Variants in MRAS observed in about 807,000 individuals in gnomAD.
MRAS encodes ras-related protein M-Ras.
Under a neutral mutation model 20.9 loss-of-function variants are expected in MRAS, and 4 were observed. That is an observed-to-expected ratio of 0.19 (90% CI 0.09 to 0.44). The LOEUF (loss-of-function observed/expected upper bound fraction) is 0.44. Ranked by LOEUF, MRAS falls within the 20% of genes least tolerant of loss-of-function variation. The probability of loss-of-function intolerance (pLI) is 0.99; values close to 1 mark genes in which losing one functional copy is unlikely to be tolerated. For synonymous variants in MRAS, 98 were observed against 102.9 expected (o/e 0.95, Z 0.29); for missense variants, 154 against 277.5 (o/e 0.56, Z 3.16).
intron 1 of MRAS, among the ~76,000 whole-genome samples, chr3:138,361,685 G>T (rs747910338): frequency 4.6e-5 from 7 of 152,166 alleles, no homozygotes; most frequent in Non-Finnish European, 7.3e-5. Context: ...AGCAGGGCTG[G>T]GAGGACAGCA....
rs372464791 is a variant in MRAS, at chr3:138,361,039, C to T, written c.-18-11827C>T. Among the ~76,000 whole-genome samples the T allele has an allele frequency of 4.2e-3, 638 of 152,324 alleles. 5 individuals are homozygous for T. Among genetic ancestry groups the T allele is most frequent in the Middle Eastern group, 0.014 (4 of 294 alleles). ...TGCCTCTTGGTGAAGCGTCTTGAGT[C>T]ATCACATGGAATAATGGCTGCGGAG... On this transcript the variant is annotated intron_variant, in intron 1 of 5. Transcript: ENST00000423968.
intron 2 of MRAS, among the ~76,000 whole-genome samples, chr3:138,384,686 T>C (rs2054974007): frequency 6.6e-6 from 1 of 152,012 alleles, no homozygotes; most frequent in African/African-American, 2.4e-5. Flanking sequence ...GAAATCTGGG[T>C]GGTGACCTGT....
Position 138,402,495 on chromosome 3 carries a change from C to T in MRAS, c.*226C>T. 2.1e-6 allele frequency: 1 copy of T among 487,288 alleles called. No individual in the cohort carries two copies. The highest frequency in any genetic ancestry group is 3.6e-6 in the Non-Finnish European group (1 of 275,752). The allele number at this position is 487,288 out of a possible 1,614,324, so 30.2% of individuals were successfully genotyped here. On this transcript the variant is annotated 3_prime_UTR_variant, in exon 6 of 6. Coordinates refer to ENST00000423968, the MANE Select transcript of MRAS (RefSeq NM_001085049.3). ...CAAGGAAGCCACCTGTAAGCAGAAG[C>T]AGCATCCAAGTGCCCCTGGCCCCCC...
In MRAS at chr3:138,402,521, C is replaced by G. The variant is rs950346078; in HGVS notation, c.*252C>G. On this transcript the variant is annotated 3_prime_UTR_variant, in exon 6 of 6. Coordinates refer to ENST00000423968, the MANE Select transcript of MRAS (RefSeq NM_001085049.3). ...AGCATCCAAGTGCCCCTGGCCCCCC[C>G]ATGTGTTGATTCAACCCGGTTCCTC... 2.1e-5 allele frequency: 9 copies of G among 431,364 alleles called. No homozygotes were observed. Among genetic ancestry groups the G allele is most frequent in the African/African-American group, 8.0e-5 (4 of 49,940 alleles). The allele number at this position is 431,364 out of a possible 1,614,324, so 26.7% of individuals were successfully genotyped here. A position where few individuals can be genotyped will look rare whatever the true frequency, so the allele number is the denominator to read the frequency against.
chr3:138,363,770 C>T (rs9755326), intron 1 of MRAS, among the ~76,000 whole-genome samples: 7,654 of 141,638 alleles, frequency 0.054, 665 homozygotes, highest in African/African-American at 0.19. Flanking sequence ...TCTCTGGGCT[C>T]AGGTAAAACA....
chr3:138,372,887 G>A lies in MRAS; in HGVS notation c.4G>A (p.Ala2Thr). Residue 2 changes from alanine (A) to threonine (T), a missense_variant, in exon 2 of 6, where the codon GCA (alanine) becomes ACA (threonine). By Grantham distance (58) the Ala-to-Thr change is moderately conservative. Coordinates refer to ENST00000423968, the MANE Select transcript of MRAS (RefSeq NM_001085049.3). M[A>T]TSAVPSDNLP... Reference sequence around the variant, plus strand: ...GCAGGTCTGACCTACGAGAAACATGGCAACCAGCGCCGTCCCCAGTGACAA... The same window carrying A: ...GCAGGTCTGACCTACGAGAAACATGACAACCAGCGCCGTCCCCAGTGACAA... The A allele has an allele frequency of 6.5e-7, 1 of 1,531,972 alleles. No individual in the cohort carries two copies. Among genetic ancestry groups the A allele is most frequent in the South Asian group, 1.3e-5 (1 of 78,042 alleles). 94.9% of individuals were successfully genotyped at this position (1,531,972 alleles called of 1,614,324 possible).
At chr3:138,359,286 C>T (rs928924515) in intron 1 of MRAS, among the ~76,000 whole-genome samples, 1 of 152,176 alleles carries the variant, frequency 6.6e-6, no homozygotes, top group Non-Finnish European at 1.5e-5. Context: ...GCCTGGTTCA[C>T]CACTCCAAAG....
intron 1 of MRAS, among the ~76,000 whole-genome samples, chr3:138,358,710 C>G (rs1256708363): frequency 6.6e-6 from 1 of 152,222 alleles, no homozygotes; most frequent in African/African-American, 2.4e-5. Flanking sequence ...TACATGTTTA[C>G]GTCTTGTAAA....
chr3:138,386,472 G>A (rs773899889), intron 2 of MRAS, among the ~76,000 whole-genome samples: 1 of 152,190 alleles, frequency 6.6e-6, no homozygotes, highest in Non-Finnish European at 1.5e-5. Context: ...TCTAGTGTAC[G>A]GATATACTAC....
intron 2 of MRAS, among the ~76,000 whole-genome samples, chr3:138,389,621 G>C (rs982814832): frequency 6.6e-6 from 1 of 151,212 alleles, no homozygotes; most frequent in Non-Finnish European, 1.5e-5. Context: ...GAAGAAAAAT[G>C]ACTGGACAGG....
At chr3:138,395,719 T>A (rs2055222504) in intron 2 of MRAS, among the ~76,000 whole-genome samples, 1 of 152,180 alleles carries the variant, frequency 6.6e-6, no homozygotes, top group Admixed American at 6.5e-5. Flanking sequence ...AGCCATTCAT[T>A]TGTTGATCTG....
intron 1 of MRAS, among the ~76,000 whole-genome samples, chr3:138,364,082 G>C (rs748808640): frequency 4.6e-5 from 7 of 152,140 alleles, no homozygotes; most frequent in African/African-American, 1.7e-4. Context: ...TTGCTTTCCT[G>C]GGACATTGCT....
chr3:138,386,554 G>A (rs1239774658), intron 2 of MRAS, among the ~76,000 whole-genome samples: 1 of 152,132 alleles, frequency 6.6e-6, no homozygotes, highest in Non-Finnish European at 1.5e-5. Flanking sequence ...CGTGACCTTG[G>A]CTCACTGCAA....
At position 138,353,990 on chromosome 3, in the gene MRAS, TTC is replaced by T. The variant is rs201213856; in HGVS notation, c.-19+5228_-19+5229del. Among the ~76,000 whole-genome samples, 1,054 of 152,292 alleles carry T rather than the reference TTC, an allele frequency of 6.9e-3. 8 individuals carry two copies. Among genetic ancestry groups the T allele is most frequent in the African/African-American group, 0.024 (1,009 of 41,556 alleles). On this transcript the variant is annotated intron_variant, in intron 1 of 5. Coordinates refer to ENST00000423968, the MANE Select transcript of MRAS (RefSeq NM_001085049.3). ...GGGTGACCAAAAATGTCATGATCCC[TTC>T]TCTCCTGGTGCTTAGGGGACCTATC...
chr3:138,395,388 G>A (rs751931323), intron 2 of MRAS, among the ~76,000 whole-genome samples: 22 of 152,060 alleles, frequency 1.4e-4, no homozygotes, highest in Non-Finnish European at 2.6e-4. Context: ...GTCTTGCTTA[G>A]AACCAAGTGA....
At chr3:138,355,853 C>T (rs903342568) in intron 1 of MRAS, among the ~76,000 whole-genome samples, 3 of 152,206 alleles carry the variant, frequency 2.0e-5, no homozygotes, top group African/African-American at 7.2e-5. Flanking sequence ...ATTGCTTGAA[C>T]CCGGGAGGCA....
At chr3:138,362,338 C>T (rs979961661) in intron 1 of MRAS, among the ~76,000 whole-genome samples, 6 of 152,104 alleles carry the variant, frequency 3.9e-5, no homozygotes, top group African/African-American at 1.4e-4. Context: ...TAGCCTGTGC[C>T]CTTGGTAGAA....
chr3:138,400,474 G>T (rs566299958), intron 4 of MRAS, 60 bp from the exon 5 acceptor site: 498 of 1,489,130 alleles, frequency 3.3e-4, no homozygotes, highest in Non-Finnish European at 4.5e-4. Context: ...ATTTTTAAGG[G>T]TGTAACAGGG....
In MRAS at chr3:138,363,825, C is replaced by A. The variant is rs867944731; in HGVS notation, c.-18-9041C>A. ...GTGACCTGTTAGAGGATTTACCCCC[C>A]CCCCCCCCCAAACCACAGGGTACCC... On this transcript the variant is annotated intron_variant, in intron 1 of 5. Coordinates refer to ENST00000423968, the MANE Select transcript of MRAS (RefSeq NM_001085049.3). Among the ~76,000 whole-genome samples the A allele has an allele frequency of 2.9e-5, 3 of 102,778 alleles. 1 individual carries two copies. The highest frequency in any genetic ancestry group is 2.2e-5 in the Non-Finnish European group (1 of 45,044). 67.4% of individuals were successfully genotyped at this position (102,778 alleles called of 152,430 possible). A position where few individuals can be genotyped will look rare whatever the true frequency, so the allele number is the denominator to read the frequency against.
Sources: allele counts gnomAD v4.1 joint callset (sites outside exome capture counted in the v4.1 genomes callset), GRCh38; gene constraint gnomAD v4.1.1; transcripts MANE v1.5; gene names NCBI Gene and HGNC (gene_info 2026-07-23, HGNC 2026-07-21).